The following DNAH3 variants were observed in gnomAD, a reference collection of about 807,000 sequenced individuals.
DNAH3 encodes the protein dynein axonemal heavy chain 3.
In DNAH3, 332 loss-of-function variants were observed where a neutral mutation model predicts 432.5. The ratio of observed to expected loss-of-function variants is 0.77; its 90% CI spans 0.70 to 0.84. The LOEUF (loss-of-function observed/expected upper bound fraction) is 0.84. Among genes scored for constraint, DNAH3 ranks in the 40% least tolerant of loss-of-function variants. The probability of loss-of-function intolerance (pLI) is 0.00; values close to 1 mark genes in which losing one functional copy is unlikely to be tolerated. For missense variants in DNAH3, 4,861 were observed against 5,114.0 expected, an observed-to-expected ratio of 0.95 and a Z score of 1.51; for synonymous variants, 1,956 against 1,900.2, an observed-to-expected ratio of 1.03 and a Z score of -0.76.
chr16:20,977,519 T>C (rs1438504765), intron 50 of DNAH3, among the ~76,000 whole-genome samples: 1 of 152,218 alleles, frequency 6.6e-6, no homozygotes, highest in Non-Finnish European at 1.5e-5. Context: ...GGGTTTCATG[T>C]ATTTGGAGAC....
At chr16:21,060,158 G>T (rs1371648721) in intron 26 of DNAH3, 106 bp downstream of exon 26, 2 of 851,956 alleles carry the variant, frequency 2.3e-6, no homozygotes, top group South Asian at 2.9e-5. Flanking sequence ...GACAGGTTTT[G>T]GTAGAAAGCA....
At chr16:20,988,834 T>C (rs1419217882) in intron 44 of DNAH3, among the ~76,000 whole-genome samples, 1 of 151,868 alleles carries the variant, frequency 6.6e-6, no homozygotes, top group Admixed American at 6.6e-5. Flanking sequence ...TGTTCGGAGT[T>C]TTTTCCTTCT....
intron 28 of DNAH3, among the ~76,000 whole-genome samples, 155 bp from the exon 29 acceptor site, chr16:21,052,023 G>A (rs566575062): frequency 1.8e-4 from 27 of 151,994 alleles, no homozygotes; most frequent in African/African-American, 6.3e-4. Context: ...ATGGAGTCTC[G>A]CTCTGTCCCC....
chr16:20,945,680 C>T (rs938949739), intron 57 of DNAH3, among the ~76,000 whole-genome samples: 4 of 152,038 alleles, frequency 2.6e-5, no homozygotes, highest in Admixed American at 2.0e-4. Context: ...TTAGTAGCGA[C>T]GGGGTTTCAC....
Position 21,086,746 on chromosome 16 carries a change from G to A in DNAH3, c.2877+103C>T, listed in dbSNP as rs971735696. On this transcript the variant is annotated intron_variant, in intron 19 of 61. Coordinates refer to ENST00000261383, the Ensembl canonical transcript of DNAH3. ...TTGCCCTTAAATAGAGTCTCCTTTC[G>A]GAAAGGAGAAGCTTGACCTAGTAAT... is the stretch of plus-strand genomic sequence containing the variant. The A allele has an allele frequency of 3.3e-5, 34 of 1,019,546 alleles. No individual in the cohort carries two copies. The Middle Eastern group carries it at 1.4e-3, about 43-fold the overall frequency. The allele number at this position is 1,019,546 out of a possible 1,614,324, so 63.2% of individuals were successfully genotyped here.
At chr16:21,098,884 A>G in intron 16 of DNAH3, 115 bp from the exon 17 acceptor site, 2 of 1,034,612 alleles carry the variant, frequency 1.9e-6, no homozygotes, top group Non-Finnish European at 2.8e-6. Context: ...TTACCTGCAG[A>G]TTTCCTCCCC....
exon 32 of DNAH3, chr16:21,042,132 T>C (rs911346724): frequency 2.5e-6 from 4 of 1,613,594 alleles, no homozygotes; most frequent in Non-Finnish European, 3.4e-6. Context: ...CAAAGATGAA[T>C]GTCTTTAGCT....
exon 24 of DNAH3, chr16:21,067,353 T>C (rs1454099494): frequency 5.6e-6 from 9 of 1,613,950 alleles, no homozygotes; most frequent in Non-Finnish European, 7.6e-6. Context: ...AAGAGAAAGT[T>C]GGCTTCTTGA....
Position 21,130,100 on chromosome 16 carries a change from A to AC in DNAH3, c.1083-2289_1083-2288insG, listed in dbSNP as rs1019326540. ...GAATGACTAAATAAATGAAAAAAAA[A>AC]AAAAAAAAACAAATGAACTCACAGT... On this transcript the variant is annotated intron_variant, in intron 7 of 61. Transcript: ENST00000261383. The AC allele has an allele frequency of 9.2e-4, 140 of 151,384 alleles. 1 individual carries two copies. Among genetic ancestry groups the AC allele is most frequent in the African/African-American group, 3.1e-3 (127 of 41,252 alleles). The allele number at this position is 151,384 out of a possible 1,614,324, so 9.4% of individuals were successfully genotyped here.
exon 39 of DNAH3, chr16:21,024,691 T>A: frequency 1.9e-6 from 3 of 1,613,684 alleles, no homozygotes; most frequent in Non-Finnish European, 2.5e-6. Flanking sequence ...TCCATGTAGA[T>A]CATCCCACAC....
chr16:21,019,727 C>T (rs751452823), exon 41 of DNAH3: 1 of 1,614,162 alleles, frequency 6.2e-7, no homozygotes, highest in South Asian at 1.1e-5. Context: ...CATCAAATTT[C>T]TTTCTGCTGT....
chr16:21,027,408 T>A (rs139612316), intron 37 of DNAH3, among the ~76,000 whole-genome samples: 1 of 152,172 alleles, frequency 6.6e-6, no homozygotes, highest in East Asian at 1.9e-4. Flanking sequence ...AAAAATTTAG[T>A]AGAAGAGGGG....
exon 23 of DNAH3, chr16:21,069,531 T>G (rs1425301888): frequency 6.2e-7 from 1 of 1,613,546 alleles, no homozygotes; most frequent in African/African-American, 1.3e-5. Flanking sequence ...TACAGCCAGG[T>G]GGCTTGGCAT....
chr16:20,948,318 T>C (rs2084146894), intron 57 of DNAH3, among the ~76,000 whole-genome samples, 165 bp downstream of exon 57: 1 of 152,150 alleles, frequency 6.6e-6, no homozygotes, highest in Non-Finnish European at 1.5e-5. Context: ...ACAGTAGCCA[T>C]GTCTCTCTTG....
chr16:21,063,135 G>C (rs2090422382), intron 24 of DNAH3: 1 of 156,292 alleles, frequency 6.4e-6, no homozygotes, highest in African/African-American at 2.4e-5. Flanking sequence ...TCAGTTGAAA[G>C]GAGCCCGGAT....
chr16:20,948,510 G>GT lies in DNAH3; in HGVS notation c.11315dup (p.Tyr3772Ter), dbSNP rs1420994836. ...GGTAGGAGCCATGAGGAGGGATGTA[G>GT]TAAGTGTCTCCAGGAGCGAGGGAGT... Residue 3772 changes from tyrosine (Y) to a stop codon, truncating the protein, a stop_gained and frameshift_variant, in exon 57 of 62, where the codon TAC becomes TAAC. Transcript: ENST00000261383. LOFTEE classifies it high-confidence loss of function. 2 of 1,613,882 alleles carry GT rather than the reference G, an allele frequency of 1.2e-6. No individual in the cohort carries two copies. The highest frequency in any genetic ancestry group is 2.2e-5 in the East Asian group (1 of 44,860).
exon 34 of DNAH3, chr16:21,037,959 C>T (rs767599556): frequency 3.1e-6 from 5 of 1,614,000 alleles, no homozygotes; most frequent in African/African-American, 1.3e-5. Context: ...GGCGGTAGGT[C>T]GCAACGATCT....
exon 6 of DNAH3, chr16:21,136,506 T>G (rs144336216): frequency 1.2e-6 from 2 of 1,613,942 alleles, no homozygotes; most frequent in African/African-American, 1.3e-5. Flanking sequence ...CAGATAGTAA[T>G]AGTATCTCTT....
chr16:21,071,287 C>G (rs2090771907), intron 21 of DNAH3, among the ~76,000 whole-genome samples: 3 of 152,112 alleles, frequency 2.0e-5, no homozygotes, highest in Admixed American at 6.5e-5. Flanking sequence ...GGTGATCCAC[C>G]CGCCTCGGCC....
Sources: allele counts gnomAD v4.1 joint callset (sites outside exome capture counted in the v4.1 genomes callset), GRCh38; gene constraint gnomAD v4.1.1; transcripts MANE v1.5; gene names NCBI Gene and HGNC (gene_info 2026-07-23, HGNC 2026-07-21).